Variants in YY1 observed in about 807,000 individuals in gnomAD.
YY1 encodes the protein transcriptional repressor protein YY1.
In YY1, 2 loss-of-function variants were observed where a neutral mutation model predicts 35.6. That is an observed-to-expected ratio of 0.06 (90% confidence interval 0.02 to 0.18). YY1 has a LOEUF of 0.18. Among genes scored for constraint, YY1 ranks in the 10% least tolerant of loss-of-function variants. The probability of loss-of-function intolerance (pLI) is 1.00; values close to 1 mark genes in which losing one functional copy is unlikely to be tolerated. For synonymous variants in YY1, 268 were observed against 238.9 expected (o/e 1.12, Z -1.12); for missense variants, 322 against 573.4 (o/e 0.56, Z 4.48).
chr14:100,242,267 A>G (rs910999462), intron 1 of YY1, among the ~76,000 whole-genome samples: 4 of 151,732 alleles, frequency 2.6e-5, no homozygotes, highest in African/African-American at 9.7e-5. Context: ...AGTGGTATGT[A>G]TGGAGTCAGC....
chr14:100,256,554 G>T (rs1343436541), intron 1 of YY1, among the ~76,000 whole-genome samples: 1 of 152,190 alleles, frequency 6.6e-6, no homozygotes, highest in Non-Finnish European at 1.5e-5. Context: ...CAACAGGTGG[G>T]TCTTAAAAAC....
At chr14:100,254,666 G>A (rs1021340012) in intron 1 of YY1, among the ~76,000 whole-genome samples, 6 of 151,740 alleles carry the variant, frequency 4.0e-5, no homozygotes, top group African/African-American at 9.7e-5. Flanking sequence ...CATGTTGGCC[G>A]GGCTGGTCTC....
chr14:100,262,174 A>AAG, intron 1 of YY1, 130 bp from the exon 2 acceptor site: 1 of 895,052 alleles, frequency 1.1e-6, no homozygotes, highest in Non-Finnish European at 1.7e-6. Context: ...AAAAAAAAAA[A>AAG]GGGAGAGGGG....
In YY1 at chr14:100,279,059, C is replaced by T. The variant is rs2139608266; in HGVS notation, c.*1459C>T. On this transcript the variant is annotated 3_prime_UTR_variant, in exon 5 of 5. Transcript: ENST00000262238. ...TAAATGGACACTGGGTGCAAATCGGCAAGGTGATTAGATTATTAGAAAATT... is the reference window on the plus strand; with the variant it reads ...TAAATGGACACTGGGTGCAAATCGGTAAGGTGATTAGATTATTAGAAAATT... 1 of 152,312 alleles carries T rather than the reference C, an allele frequency of 6.6e-6. No homozygotes were observed. The highest frequency in any genetic ancestry group is 2.1e-4 in the South Asian group (1 of 4,826). 9.4% of individuals were successfully genotyped at this position (152,312 alleles called of 1,614,324 possible).
At chr14:100,244,183 G>A (rs906936235) in intron 1 of YY1, among the ~76,000 whole-genome samples, 3 of 151,880 alleles carry the variant, frequency 2.0e-5, no homozygotes, top group Non-Finnish European at 4.4e-5. Flanking sequence ...CACATGCCAT[G>A]TTCCTTTAAT....
At chr14:100,252,576 G>A (rs758167422) in intron 1 of YY1, among the ~76,000 whole-genome samples, 5 of 152,144 alleles carry the variant, frequency 3.3e-5, no homozygotes, top group Non-Finnish European at 5.9e-5. Flanking sequence ...ACAGTTTTGG[G>A]TAGAAGTTCC....
chr14:100,249,760 G>GTTTTTTT (rs34925666), intron 1 of YY1, among the ~76,000 whole-genome samples: 8 of 143,042 alleles, frequency 5.6e-5, no homozygotes, highest in African/African-American at 1.8e-4. Flanking sequence ...TTTTTTTTTT[G>GTTTTTTT]TTTGTTTTTG....
intron 2 of YY1, among the ~76,000 whole-genome samples, chr14:100,263,625 T>C (rs1480806851): frequency 6.6e-6 from 1 of 152,198 alleles, no homozygotes; most frequent in African/African-American, 2.4e-5. Flanking sequence ...CTGAGGTTGG[T>C]TGGAACCTGG....
chr14:100,256,134 C>G (rs1891002165), intron 1 of YY1, among the ~76,000 whole-genome samples: 1 of 150,140 alleles, frequency 6.7e-6, no homozygotes, highest in South Asian at 2.1e-4. Context: ...AGAGCCAGAC[C>G]CTGTCACAAA....
At chr14:100,258,680 A>G (rs1891038053) in intron 1 of YY1, among the ~76,000 whole-genome samples, 1 of 152,162 alleles carries the variant, frequency 6.6e-6, no homozygotes, top group Non-Finnish European at 1.5e-5. Context: ...GCCACTTCCT[A>G]GCCAGTTAAC....
At chr14:100,250,778 C>G (rs1890912803) in intron 1 of YY1, among the ~76,000 whole-genome samples, 1 of 150,170 alleles carries the variant, frequency 6.7e-6, no homozygotes, top group African/African-American at 2.5e-5. Context: ...GTGGGAGGAT[C>G]TGAGGCCAGG....
intron 2 of YY1, 55 bp from the exon 3 acceptor site, chr14:100,274,643 A>T: frequency 6.8e-7 from 1 of 1,480,170 alleles, no homozygotes; most frequent in Non-Finnish European, 9.4e-7. Context: ...GATTTATGCC[A>T]GTTGAGTCTA....
rs537421080 is a variant in YY1 at position 100,272,743 on chromosome 14, C to T, written c.843-1955C>T. On this transcript the variant is annotated intron_variant, in intron 2 of 4. Transcript: ENST00000262238. ...TTCTATATTGATGAATTCTGAGGTC[C>T]GAGTGCACCCCTCGCCAGAGCAGTG... Among the ~76,000 whole-genome samples the T allele has an allele frequency of 1.7e-4, 26 of 151,810 alleles. 1 individual carries two copies. In the South Asian group the frequency reaches 4.6e-3, roughly 27 times the overall value.
chr14:100,239,915 G>C lies in YY1; in HGVS notation c.671G>C (p.Trp224Ser). Residue 224 changes from tryptophan (W) to serine (S), a missense_variant, in exon 1 of 5, where the codon TGG becomes TCG. By Grantham distance (177) the Trp-to-Ser change is radical. Around this residue, in one of 4 missense-constraint regions of YY1, gnomAD observed 152 missense variants for 167.1 expected, o/e 0.91. Coordinates refer to ENST00000262238, the MANE Select transcript of YY1 (RefSeq NM_003403.5). ...TLEGEFSVTM[W>S]SSDEKKDIDH... ...GAGGGCGAGTTCTCGGTCACCATGT[G>C]GTCCTCAGGTGAGCGCCGGCCGCGC... is the stretch of plus-strand genomic sequence containing the variant. The C allele has an allele frequency of 6.5e-7, 1 of 1,527,832 alleles. No homozygotes were observed. The highest frequency in any genetic ancestry group is 8.8e-7 in the Non-Finnish European group (1 of 1,139,302). 94.6% of individuals were successfully genotyped at this position (1,527,832 alleles called of 1,614,324 possible). A position where few individuals can be genotyped will look rare whatever the true frequency, so the allele number is the denominator to read the frequency against.
chr14:100,241,466 C>T (rs1890740602), intron 1 of YY1, among the ~76,000 whole-genome samples: 1 of 152,016 alleles, frequency 6.6e-6, no homozygotes, highest in Non-Finnish European at 1.5e-5. Context: ...GAGGCCTGAG[C>T]AAAGGGATCT....
chr14:100,241,410 A>G (rs1336732317), intron 1 of YY1, among the ~76,000 whole-genome samples: 2 of 152,202 alleles, frequency 1.3e-5, no homozygotes, highest in Non-Finnish European at 2.9e-5. Flanking sequence ...ATCTGGTGAA[A>G]GCCTCAAGAT....
intron 1 of YY1, among the ~76,000 whole-genome samples, chr14:100,250,663 T>C (rs562860172): frequency 6.2e-4 from 95 of 152,286 alleles, no homozygotes; most frequent in African/African-American, 2.1e-3. Flanking sequence ...GTGGTAGTAC[T>C]GGCATTTTTC....
At position 100,254,778 on chromosome 14, in the gene YY1, T is replaced by TATTTA. The variant is rs59637245; in HGVS notation, c.680-7526_680-7525insATTTA. 1.5e-4 allele frequency among the ~76,000 whole-genome samples: 20 copies of TATTTA among 134,264 alleles called. 1 individual carries two copies. The highest frequency in any genetic ancestry group is 1.3e-3 in the South Asian group (5 of 3,976). 88.1% of individuals were successfully genotyped at this position (134,264 alleles called of 152,430 possible). ...AGCCTATTTTATTTATTTATTTATT[T>TATTTA]TTTTTTTTTTTTGAGTCGAAGTCTC... On this transcript the variant is annotated intron_variant, in intron 1 of 4. Transcript: ENST00000262238.
intron 1 of YY1, among the ~76,000 whole-genome samples, chr14:100,247,559 G>A (rs925435243): frequency 5.3e-5 from 8 of 151,870 alleles, no homozygotes; most frequent in African/African-American, 1.9e-4. Context: ...TTTTTGTAGA[G>A]ACAGGGTTAT....
Sources: allele counts gnomAD v4.1 joint callset (sites outside exome capture counted in the v4.1 genomes callset), GRCh38; gene constraint gnomAD v4.1.1; regional missense constraint gnomAD v4.1.1; transcripts MANE v1.5; gene names NCBI Gene and HGNC (gene_info 2026-07-23, HGNC 2026-07-21).